Variants in ITGBL1 observed in about 807,000 individuals in gnomAD.
ITGBL1 encodes the protein integrin subunit beta like 1.
In ITGBL1, 51 loss-of-function variants were observed where a neutral mutation model predicts 68.5. That is an observed-to-expected ratio of 0.74 (90% CI 0.59 to 0.94). The LOEUF is 0.94. Ranked by LOEUF, ITGBL1 falls within the 40% of genes least tolerant of loss-of-function variation. The pLI is 0.00. For synonymous variants in ITGBL1, 209 were observed against 227.3 expected (o/e 0.92, Z 0.72); for missense variants, 649 against 647.4 (o/e 1.00, Z -0.03).
intron 4 of ITGBL1, among the ~76,000 whole-genome samples, chr13:101,576,034 C>T (rs2050353502): frequency 2.0e-5 from 3 of 152,114 alleles, no homozygotes. Context: ...TTTCTGTGTA[C>T]CACCATTACT....
intron 9 of ITGBL1, chr13:101,711,290 T>C (rs1321544020): frequency 6.6e-6 from 1 of 152,210 alleles, no homozygotes; most frequent in Non-Finnish European, 1.5e-5. Context: ...TGTAAACACA[T>C]GTCATTAACT....
intron 7 of ITGBL1, among the ~76,000 whole-genome samples, chr13:101,608,049 C>G (rs145277463): frequency 1.2e-3 from 182 of 152,118 alleles, no homozygotes; most frequent in African/African-American, 3.9e-3. Flanking sequence ...TCCTTAAACA[C>G]ATAACCATAC....
intron 7 of ITGBL1, among the ~76,000 whole-genome samples, chr13:101,665,156 A>C (rs2033184973): frequency 6.6e-6 from 1 of 152,128 alleles, no homozygotes; most frequent in South Asian, 2.1e-4. Flanking sequence ...TTTGTGTATA[A>C]ATTTTAGAAT....
At chr13:101,537,452 T>A (rs2049599386) in intron 2 of ITGBL1, among the ~76,000 whole-genome samples, 1 of 151,994 alleles carries the variant, frequency 6.6e-6, no homozygotes, top group Non-Finnish European at 1.5e-5. Flanking sequence ...AGTCATGAAG[T>A]CTGATGATAT....
Position 101,505,400 on chromosome 13 carries a change from T to G in ITGBL1, c.316+51300T>G, listed in dbSNP as rs563147946. On this transcript the variant is annotated intron_variant, in intron 2 of 10. Coordinates refer to ENST00000376180, the MANE Select transcript of ITGBL1 (RefSeq NM_004791.3). ...TAATCTAGCAGAAGATGTAAATAAATCAATCTATAGAGTAGAATGTGATGA... is the reference window on the plus strand; with the variant it reads ...TAATCTAGCAGAAGATGTAAATAAAGCAATCTATAGAGTAGAATGTGATGA... Among the ~76,000 whole-genome samples the G allele has an allele frequency of 4.6e-5, 7 of 152,330 alleles. No individual in the cohort carries two copies. The South Asian group carries it at 1.2e-3, about 27-fold the overall frequency.
chr13:101,486,961 T>TA (rs35761872), intron 2 of ITGBL1, among the ~76,000 whole-genome samples: 11 of 152,008 alleles, frequency 7.2e-5, no homozygotes, highest in African/African-American at 2.4e-4. Flanking sequence ...GGAAGAATTA[T>TA]AAAAAAAATG....
At chr13:101,582,077 A>G (rs771191214) in intron 5 of ITGBL1, among the ~76,000 whole-genome samples, 8 of 152,314 alleles carry the variant, frequency 5.3e-5, no homozygotes, top group Admixed American at 1.3e-4. Context: ...TTATTTCTGT[A>G]TGAAATTTCC....
intron 5 of ITGBL1, among the ~76,000 whole-genome samples, chr13:101,582,622 T>C (rs572146136): frequency 2.0e-5 from 3 of 152,278 alleles, no homozygotes; most frequent in Non-Finnish European, 4.4e-5. Flanking sequence ...TTAGTCTTTT[T>C]TATTTTTTAA....
At chr13:101,663,373 T>C (rs2033135661) in intron 7 of ITGBL1, among the ~76,000 whole-genome samples, 2 of 152,122 alleles carry the variant, frequency 1.3e-5, no homozygotes, top group Admixed American at 1.3e-4. Flanking sequence ...GATCGCTTGA[T>C]CTAGTCTCTT....
At chr13:101,573,091 C>G (rs2050299437) in intron 3 of ITGBL1, among the ~76,000 whole-genome samples, 1 of 151,920 alleles carries the variant, frequency 6.6e-6, no homozygotes, top group African/African-American at 2.4e-5. Flanking sequence ...CACTTAGTTC[C>G]TTGCAAACAA....
At chr13:101,640,724 C>G (rs1594947820) in intron 7 of ITGBL1, among the ~76,000 whole-genome samples, 1 of 152,014 alleles carries the variant, frequency 6.6e-6, no homozygotes, top group East Asian at 1.9e-4. Flanking sequence ...ATCCCATCAC[C>G]CAGGCAAAGA....
chr13:101,706,098 A>C (rs959437982), intron 8 of ITGBL1, among the ~76,000 whole-genome samples: 15 of 152,228 alleles, frequency 9.9e-5, no homozygotes, highest in Non-Finnish European at 2.2e-4. Flanking sequence ...AGCTGTCACA[A>C]ATACAATGTT....
intron 7 of ITGBL1, among the ~76,000 whole-genome samples, chr13:101,621,031 T>C (rs1763188653): frequency 6.6e-6 from 1 of 152,118 alleles, no homozygotes; most frequent in African/African-American, 2.4e-5. Context: ...GAGCAGGTGC[T>C]GTGATTCAGC....
chr13:101,517,389 G>T (rs1401045864), intron 2 of ITGBL1, among the ~76,000 whole-genome samples: 2 of 152,076 alleles, frequency 1.3e-5, no homozygotes, highest in African/African-American at 4.8e-5. Context: ...TTAGAATACT[G>T]GTGCTTAATT....
chr13:101,649,741 C>G (rs1266094243), intron 7 of ITGBL1, among the ~76,000 whole-genome samples: 1 of 152,170 alleles, frequency 6.6e-6, no homozygotes, highest in African/African-American at 2.4e-5. Flanking sequence ...TATGTATTCA[C>G]CACACTACCT....
At chr13:101,486,671 C>T (rs1435598504) in intron 2 of ITGBL1, among the ~76,000 whole-genome samples, 2 of 152,096 alleles carry the variant, frequency 1.3e-5, no homozygotes, top group South Asian at 2.1e-4. Context: ...AAAGTCTAGA[C>T]CTCTTGCAGC....
intron 7 of ITGBL1, among the ~76,000 whole-genome samples, chr13:101,624,616 C>T (rs1237138175): frequency 3.3e-5 from 5 of 152,162 alleles, no homozygotes; most frequent in African/African-American, 9.7e-5. Context: ...CCTGACACAG[C>T]GCTCACTACC....
intron 8 of ITGBL1, among the ~76,000 whole-genome samples, chr13:101,704,715 T>C (rs1566798817): frequency 6.6e-6 from 1 of 152,106 alleles, no homozygotes; most frequent in Non-Finnish European, 1.5e-5. Flanking sequence ...AAGCAACACA[T>C]TGGGAAGAGT....
At chr13:101,630,425 T>C (rs2031938556) in intron 7 of ITGBL1, among the ~76,000 whole-genome samples, 1 of 152,210 alleles carries the variant, frequency 6.6e-6, no homozygotes, top group Admixed American at 6.5e-5. Flanking sequence ...TTCTCACTTG[T>C]ATATTTAAAT....
Sources: allele counts gnomAD v4.1 joint callset (sites outside exome capture counted in the v4.1 genomes callset), GRCh38; gene constraint gnomAD v4.1.1; transcripts MANE v1.5; gene names NCBI Gene and HGNC (gene_info 2026-07-23, HGNC 2026-07-21).